The following UGT1A7 variants were observed in gnomAD, a reference collection of about 807,000 sequenced individuals.
The protein encoded by UGT1A7 is UDP-glucuronosyltransferase 1A7.
UGT1A7 carries 33 observed loss-of-function variants against 45.6 expected under a neutral mutation model. The ratio of observed to expected loss-of-function variants is 0.72; its 90% confidence interval spans 0.55 to 0.97. The LOEUF is 0.97. UGT1A7 is among the 50% of genes least tolerant of loss of function. The pLI is 0.00. For missense variants in UGT1A7, 684 were observed against 666.2 expected, an observed-to-expected ratio of 1.03 and a Z score of -0.29; for synonymous variants, 274 against 250.6, an observed-to-expected ratio of 1.09 and a Z score of -0.88.
At chr2:233,734,648 T>A (rs187362448) in intron 1 of UGT1A7, among the ~76,000 whole-genome samples, 1 of 152,330 alleles carries the variant, frequency 6.6e-6, no homozygotes, top group East Asian at 1.9e-4. Context: ...CCTGTGGGGA[T>A]TTAATGCTAT....
chr2:233,724,266 G>A (rs1189985435), intron 1 of UGT1A7, among the ~76,000 whole-genome samples: 3 of 135,606 alleles, frequency 2.2e-5, no homozygotes, highest in Non-Finnish European at 4.8e-5. Flanking sequence ...CTCCCGGACG[G>A]GGCGGCTGGC....
At chr2:233,689,095 T>C (rs1172782745) in intron 1 of UGT1A7, among the ~76,000 whole-genome samples, 1 of 152,184 alleles carries the variant, frequency 6.6e-6, no homozygotes, top group Non-Finnish European at 1.5e-5. Flanking sequence ...CCTGTGCCCC[T>C]CCCCACTGCT....
chr2:233,710,917 C>T (rs1215243421), intron 1 of UGT1A7, among the ~76,000 whole-genome samples: 1 of 152,212 alleles, frequency 6.6e-6, no homozygotes, highest in Non-Finnish European at 1.5e-5. Context: ...GGTCTTTAGA[C>T]CACTTAGTCT....
chr2:233,709,142 T>C (rs1251682483), intron 1 of UGT1A7, among the ~76,000 whole-genome samples: 1 of 152,118 alleles, frequency 6.6e-6, no homozygotes, highest in Non-Finnish European at 1.5e-5. Context: ...GGATGAGACG[T>C]GCTGATTGGT....
intron 1 of UGT1A7, among the ~76,000 whole-genome samples, chr2:233,717,089 A>C (rs570408978): frequency 1.1e-4 from 16 of 152,286 alleles, no homozygotes; most frequent in South Asian, 2.1e-4. Flanking sequence ...AAATCAGATG[A>C]CATCACTATC....
In UGT1A7 at chr2:233,682,569, T is replaced by A; in HGVS notation, c.632T>A (p.Ile211Asn). The A allele has an allele frequency of 6.2e-7, 1 of 1,613,968 alleles. No homozygotes were observed. The highest frequency in any genetic ancestry group is 1.1e-5 in the South Asian group (1 of 91,072). The stretch of plus-strand genomic sequence containing the variant: ...TTCAAGGAGAGAGTATGGAACCACA[T>A]CATGCACTTGGAGGAACATTTATTT... ...MTFKERVWNH[I>N]MHLEEHLFCP... is the part of the protein sequence containing the mutation. Residue 211 changes from isoleucine to asparagine, a missense_variant, in exon 1 of 5, where the codon ATC (isoleucine) becomes AAC (asparagine). Ile to Asn is a moderately radical substitution (Grantham distance 149, BLOSUM62 -3). Transcript: ENST00000373426.
chr2:233,767,556 C>T (rs1699418440), intron 2 of UGT1A7, among the ~76,000 whole-genome samples: 1 of 152,172 alleles, frequency 6.6e-6, no homozygotes, highest in African/African-American at 2.4e-5. Flanking sequence ...GTTCTGCATC[C>T]ACTTGTTTCA....
intron 4 of UGT1A7, chr2:233,770,370 C>T (rs1700066139): frequency 6.6e-6 from 1 of 152,126 alleles, no homozygotes; most frequent in African/African-American, 2.4e-5. Flanking sequence ...AATGAAAGTT[C>T]TGGCCAGGTA....
rs765399769 is a variant in UGT1A7, at chr2:233,682,599, C to T, written c.662C>T (p.Pro221Leu). 2.5e-6 allele frequency: 4 copies of T among 1,613,876 alleles called. No homozygotes were observed. The South Asian group carries it at 3.3e-5, about 13-fold the overall frequency. Residue 221 changes from proline (P) to leucine (L), a missense_variant, in exon 1 of 5, where the codon CCC becomes CTC. Physicochemically the swap from Pro to Leu is moderately conservative, Grantham distance 98. Coordinates refer to ENST00000373426, the MANE Select transcript of UGT1A7 (RefSeq NM_019077.3). ...IMHLEEHLFCPYFFKNVLEIA... is the reference protein window; with the variant it reads ...IMHLEEHLFCLYFFKNVLEIA... ...CACTTGGAGGAACATTTATTTTGCC[C>T]CTATTTTTTCAAAAATGTCTTAGAA...
intron 1 of UGT1A7, among the ~76,000 whole-genome samples, chr2:233,720,265 G>T (rs928123485): frequency 1.2e-4 from 19 of 152,154 alleles, no homozygotes; most frequent in Admixed American, 1.0e-3. Flanking sequence ...AGAGGGATCT[G>T]TCCTGAGAAA....
At chr2:233,731,661 C>T (rs2078189507) in intron 1 of UGT1A7, among the ~76,000 whole-genome samples, 1 of 152,192 alleles carries the variant, frequency 6.6e-6, no homozygotes, top group South Asian at 2.1e-4. Flanking sequence ...ATATGTGCCA[C>T]ATTTTCTTAA....
At chr2:233,705,828 A>T (rs968618860) in intron 1 of UGT1A7, among the ~76,000 whole-genome samples, 2 of 152,176 alleles carry the variant, frequency 1.3e-5, no homozygotes, top group Admixed American at 1.3e-4. Flanking sequence ...GGCCGAGCAC[A>T]GTGGCTGGAG....
chr2:233,752,600 T>A (rs1023436245), intron 1 of UGT1A7: 10 of 152,076 alleles, frequency 6.6e-5, no homozygotes, highest in Admixed American at 2.6e-4. Context: ...AGATTTTTTT[T>A]AAAAAAACAT....
intron 1 of UGT1A7, chr2:233,708,366 T>C (rs1157457185): frequency 1.3e-5 from 2 of 152,232 alleles, no homozygotes; most frequent in South Asian, 2.1e-4. Context: ...TAATTCTTCA[T>C]TTAAACGTCT....
In UGT1A7 at chr2:233,710,482, T is replaced by C. The variant is rs369445777; in HGVS notation, c.855+27690T>C. ...CTAATGGGTGTGTAGTAGAATTTCA[T>C]TGGGTTTGAATTTGCATTCCTCTTA... On this transcript the variant is annotated intron_variant, in intron 1 of 4. Coordinates refer to ENST00000373426, the MANE Select transcript of UGT1A7 (RefSeq NM_019077.3). 7.9e-5 allele frequency among the ~76,000 whole-genome samples: 12 copies of C among 152,376 alleles called. No homozygotes were observed. In the South Asian group the frequency reaches 2.5e-3, roughly 32 times the overall value.
chr2:233,742,570 A>C (rs1348152988), intron 1 of UGT1A7, among the ~76,000 whole-genome samples: 2 of 151,766 alleles, frequency 1.3e-5, no homozygotes, highest in Non-Finnish European at 2.9e-5. Flanking sequence ...TTCTGGCCGG[A>C]ATTGGGGGCT....
chr2:233,736,686 T>C (rs2078793378), intron 1 of UGT1A7, among the ~76,000 whole-genome samples: 1 of 152,252 alleles, frequency 6.6e-6, no homozygotes, highest in Admixed American at 6.5e-5. Context: ...GTTGGTGACC[T>C]ACAGATGGGG....
chr2:233,688,503 T>G (rs1400244205), intron 1 of UGT1A7, among the ~76,000 whole-genome samples: 1 of 152,180 alleles, frequency 6.6e-6, no homozygotes, highest in Non-Finnish European at 1.5e-5. Context: ...GAATGTCACA[T>G]GCAGTGAAAT....
rs2126038220 is a variant in UGT1A7, at chr2:233,768,440, G to T, written c.1295+1G>T. ...TAAAAGCAGTCATCAATGACAAAAG[G>T]TAAGAAAGAAGATACAGAAGAATAC... On this transcript the variant is annotated splice_donor_variant, in intron 4 of 4. Coordinates refer to ENST00000373426, the MANE Select transcript of UGT1A7 (RefSeq NM_019077.3). LOFTEE classifies it high-confidence loss of function. 1.2e-6 allele frequency: 2 copies of T among 1,613,446 alleles called. No individual in the cohort carries two copies. Among genetic ancestry groups the T allele is most frequent in the Non-Finnish European group, 1.7e-6 (2 of 1,179,672 alleles).
Sources: allele counts gnomAD v4.1 joint callset (sites outside exome capture counted in the v4.1 genomes callset), GRCh38; gene constraint gnomAD v4.1.1; transcripts MANE v1.5; gene names NCBI Gene and HGNC (gene_info 2026-07-23, HGNC 2026-07-21).